The following KCNMA1 variants were observed in gnomAD, a reference collection of about 807,000 sequenced individuals.
The protein encoded by KCNMA1 is potassium calcium-activated channel subfamily M alpha 1.
A neutral mutation model predicts 140.0 loss-of-function variants in KCNMA1; 29 were observed. The observed-to-expected ratio is 0.21, with a 90% CI of 0.15 to 0.28. The LOEUF (loss-of-function observed/expected upper bound fraction) is 0.28. Among genes scored for constraint, KCNMA1 ranks in the 10% least tolerant of loss-of-function variants. KCNMA1 has a pLI of 1.00. For synonymous variants in KCNMA1, 612 were observed against 611.9 expected (o/e 1.00, Z 0.00); for missense variants, 880 against 1,602.2 (o/e 0.55, Z 7.70).
chr10:77,447,095 T>C (rs1310554726), intron 1 of KCNMA1, among the ~76,000 whole-genome samples: 1 of 152,200 alleles, frequency 6.6e-6, no homozygotes, highest in Non-Finnish European at 1.5e-5. Context: ...TGTCGGTTCC[T>C]TCAGGCTCAG....
intron 1 of KCNMA1, among the ~76,000 whole-genome samples, chr10:77,521,532 T>C (rs1419030879): frequency 1.3e-5 from 2 of 152,194 alleles, no homozygotes; most frequent in Admixed American, 1.3e-4. Context: ...GTGCCTCAGT[T>C]TCCTCATCTG....
intron 23 of KCNMA1, among the ~76,000 whole-genome samples, chr10:76,922,747 A>C (rs1284254842): frequency 3.9e-5 from 6 of 152,130 alleles, no homozygotes; most frequent in African/African-American, 1.4e-4. Flanking sequence ...TGTGCCTAAA[A>C]CCAGAGACAT....
chr10:77,398,407 G>A (rs138655674), intron 2 of KCNMA1, among the ~76,000 whole-genome samples: 382 of 152,320 alleles, frequency 2.5e-3, no homozygotes, highest in Middle Eastern at 0.01. Context: ...GCTGTGAGAT[G>A]ATATCTAATT....
At chr10:77,355,502 T>C (rs1000441144) in intron 2 of KCNMA1, among the ~76,000 whole-genome samples, 4 of 152,298 alleles carry the variant, frequency 2.6e-5, no homozygotes, top group African/African-American at 9.6e-5. Context: ...AACGATGCCA[T>C]TTCCTTCCTG....
chr10:77,326,882 A>G (rs1602635337), intron 2 of KCNMA1, among the ~76,000 whole-genome samples: 1 of 152,120 alleles, frequency 6.6e-6, no homozygotes, highest in Non-Finnish European at 1.5e-5. Flanking sequence ...TCTAGCAATG[A>G]TAATTACGTG....
chr10:77,201,798 G>A (rs1287873057), intron 3 of KCNMA1, among the ~76,000 whole-genome samples: 1 of 135,944 alleles, frequency 7.4e-6, no homozygotes, highest in African/African-American at 2.7e-5. Context: ...AATTTATGTG[G>A]GATAAAATGT....
At chr10:77,631,571 A>C (rs1482476979) in intron 1 of KCNMA1, among the ~76,000 whole-genome samples, 1 of 152,170 alleles carries the variant, frequency 6.6e-6, no homozygotes, top group African/African-American at 2.4e-5. Flanking sequence ...TTTGGGAAGG[A>C]GGTCCTGGCA....
chr10:76,991,167 A>G (rs772481889), intron 19 of KCNMA1, among the ~76,000 whole-genome samples: 29 of 152,168 alleles, frequency 1.9e-4, no homozygotes, highest in Non-Finnish European at 3.2e-4. Flanking sequence ...GCCCTGCCCA[A>G]TGCATTGGTT....
chr10:77,149,359 G>T (rs2098377423), intron 5 of KCNMA1, among the ~76,000 whole-genome samples: 1 of 152,162 alleles, frequency 6.6e-6, no homozygotes, highest in Non-Finnish European at 1.5e-5. Flanking sequence ...TCCAAAACAA[G>T]TTAGCAAGTC....
At chr10:76,899,904 T>C (rs1238087572) in intron 25 of KCNMA1, among the ~76,000 whole-genome samples, 1 of 152,072 alleles carries the variant, frequency 6.6e-6, no homozygotes, top group African/African-American at 2.4e-5. Context: ...AAAAGTAGGA[T>C]CCCCAAAACA....
At chr10:76,947,781 G>T (rs1388353183) in intron 22 of KCNMA1, among the ~76,000 whole-genome samples, 2 of 152,166 alleles carry the variant, frequency 1.3e-5, no homozygotes, top group Admixed American at 1.3e-4. Context: ...ATTGTGTCAG[G>T]CATTATGTAA....
chr10:77,148,048 T>A (rs940160612), intron 5 of KCNMA1, among the ~76,000 whole-genome samples: 2 of 152,002 alleles, frequency 1.3e-5, no homozygotes, highest in African/African-American at 4.8e-5. Flanking sequence ...GGACTGACCC[T>A]GCCTTTGCAT....
intron 2 of KCNMA1, among the ~76,000 whole-genome samples, chr10:77,397,028 C>T (rs1173512301): frequency 6.6e-6 from 1 of 151,748 alleles, no homozygotes; most frequent in Non-Finnish European, 1.5e-5. Context: ...GTGAGGCTGT[C>T]CTTCACCACA....
chr10:77,437,050 A>G (rs1014754969), intron 1 of KCNMA1, among the ~76,000 whole-genome samples: 8 of 152,028 alleles, frequency 5.3e-5, no homozygotes, highest in African/African-American at 1.9e-4. Flanking sequence ...GCCTGGAGCC[A>G]TAAGTCTAGC....
At position 77,329,963 on chromosome 10, in the gene KCNMA1, C is replaced by T. The variant is rs139418684; in HGVS notation, c.540+73899G>A. Reference sequence around the variant, plus strand: ...AAAGTGCTTGCCACATTGTACAACCCCAGTAAGGATAAATGTTAATATTAT... The same window carrying T: ...AAAGTGCTTGCCACATTGTACAACCTCAGTAAGGATAAATGTTAATATTAT... On this transcript the variant is annotated intron_variant, in intron 2 of 27. Coordinates refer to ENST00000286628, the MANE Select transcript of KCNMA1 (RefSeq NM_001161352.2). Among the ~76,000 whole-genome samples the T allele has an allele frequency of 2.1e-3, 312 of 152,168 alleles. 1 individual carries two copies. The highest frequency in any genetic ancestry group is 7.0e-3 in the African/African-American group (292 of 41,488).
At chr10:77,320,838 A>G (rs1312072019) in intron 2 of KCNMA1, among the ~76,000 whole-genome samples, 1 of 152,168 alleles carries the variant, frequency 6.6e-6, no homozygotes, top group East Asian at 1.9e-4. Context: ...CAAGGCAGGC[A>G]CTCACGGCCT....
At chr10:77,190,269 A>T (rs888902315) in intron 3 of KCNMA1, among the ~76,000 whole-genome samples, 2 of 152,222 alleles carry the variant, frequency 1.3e-5, no homozygotes, top group Non-Finnish European at 2.9e-5. Context: ...CTTCAATTCA[A>T]TGTAATAATA....
At chr10:77,187,749 C>A (rs117981668) in intron 3 of KCNMA1, among the ~76,000 whole-genome samples, 2,492 of 152,216 alleles carry the variant, frequency 0.016, 34 homozygotes, top group Non-Finnish European at 0.027. Context: ...CTATTTCCTG[C>A]TTGCCACTAC....
At chr10:77,552,774 C>A (rs558891871) in intron 1 of KCNMA1, among the ~76,000 whole-genome samples, 1 of 152,188 alleles carries the variant, frequency 6.6e-6, no homozygotes, top group Non-Finnish European at 1.5e-5. Flanking sequence ...GTTAGCCAGG[C>A]GCAGTGGCTC....
Sources: gnomAD v4.1 joint callset for allele counts (sites outside exome capture counted in the v4.1 genomes callset) on GRCh38, gnomAD v4.1.1 for gene constraint, MANE v1.5 for transcripts, NCBI Gene and HGNC (gene_info 2026-07-23, HGNC 2026-07-21) for gene names.